DRC9: variants seen among roughly 807,000 people sequenced by gnomAD.
The protein encoded by DRC9 is dynein regulatory complex protein 9.
the DRC9 span, chr3:197,951,439 G>A: frequency 7.9e-6 from 8 of 1,016,554 alleles, no homozygotes; most frequent in South Asian, 1.3e-5. Flanking sequence ...CGAAACCTCC[G>A]CCTCCCGGGT....
the DRC9 span, chr3:197,916,272 T>TTTGCTG: frequency 6.5e-6 from 1 of 154,990 alleles, no homozygotes; most frequent in Non-Finnish European, 1.4e-5. Flanking sequence ...TGCGCCCGGC[T>TTTGCTG]TTGTTGTTGT....
the DRC9 span, chr3:197,944,036 G>A: frequency 6.2e-7 from 1 of 1,613,914 alleles, no homozygotes; most frequent in Non-Finnish European, 8.5e-7. Context: ...GAAGGTTTGA[G>A]TCTTCCAGGC....
the DRC9 span, chr3:197,889,432 A>T: frequency 1.1e-6 from 1 of 887,070 alleles, no homozygotes; most frequent in Non-Finnish European, 1.8e-6. Flanking sequence ...TGAAATTAAC[A>T]GGCAAAGTGA....
At chr3:197,890,157 G>T in the DRC9 span, among the ~76,000 whole-genome samples, 1 of 152,318 alleles carries the variant, frequency 6.6e-6, no homozygotes, top group South Asian at 2.1e-4. Context: ...CACTTTGGGA[G>T]GCTGAGGTGG....
At chr3:197,904,583 G>C in the DRC9 span, among the ~76,000 whole-genome samples, 1 of 152,168 alleles carries the variant, frequency 6.6e-6, no homozygotes, top group Admixed American at 6.6e-5. Context: ...GAAAAGGTGG[G>C]GCCGGGCGTG....
chr3:197,938,411 T>TA, the DRC9 span: 1 of 678,072 alleles, frequency 1.5e-6, no homozygotes, highest in East Asian at 2.5e-5. Flanking sequence ...AGTCTTTAGC[T>TA]AATTCTATTC....
At chr3:197,934,654 C>T in the DRC9 span, among the ~76,000 whole-genome samples, 2 of 151,960 alleles carry the variant, frequency 1.3e-5, no homozygotes, top group Admixed American at 6.6e-5. Context: ...GTCCGCTGTT[C>T]TTCATGATCC....
At chr3:197,948,284 C>G in the DRC9 span, among the ~76,000 whole-genome samples, 1 of 152,204 alleles carries the variant, frequency 6.6e-6, no homozygotes, top group African/African-American at 2.4e-5. Context: ...TGGTCATCAC[C>G]TGCAGTTTGA....
At chr3:197,933,483 G>A in the DRC9 span, among the ~76,000 whole-genome samples, 1 of 151,748 alleles carries the variant, frequency 6.6e-6, no homozygotes, top group Non-Finnish European at 1.5e-5. Context: ...AGTTTGATTA[G>A]GTCTTTAAAA....
chr3:197,909,070 C>T, the DRC9 span, among the ~76,000 whole-genome samples: 11 of 152,214 alleles, frequency 7.2e-5, no homozygotes, highest in African/African-American at 2.4e-4. Flanking sequence ...TTGCCAGTTT[C>T]ATCCGAATCT....
the DRC9 span, among the ~76,000 whole-genome samples, chr3:197,895,793 G>C: frequency 6.6e-6 from 1 of 151,254 alleles, no homozygotes. Flanking sequence ...TTGGCAACAT[G>C]GCAAAACCCC....
the DRC9 span, among the ~76,000 whole-genome samples, chr3:197,944,908 T>C: frequency 6.6e-6 from 1 of 152,212 alleles, no homozygotes; most frequent in Non-Finnish European, 1.5e-5. Context: ...ATGTAGTTCA[T>C]GCAATTTGGC....
chr3:197,892,694 ATTCT>A, the DRC9 span: 3 of 1,614,094 alleles, frequency 1.9e-6, no homozygotes, highest in Non-Finnish European at 2.5e-6. Context: ...CATTTAGTTC[ATTCT>A]GTTTCATTTC....
the DRC9 span, among the ~76,000 whole-genome samples, chr3:197,947,859 T>C: frequency 6.6e-6 from 1 of 152,042 alleles, no homozygotes; most frequent in African/African-American, 2.4e-5. Context: ...CTCTCTGGGC[T>C]TAGGTAACTA....
At chr3:197,899,869 G>A in the DRC9 span, among the ~76,000 whole-genome samples, 2 of 152,188 alleles carry the variant, frequency 1.3e-5, no homozygotes, top group East Asian at 1.9e-4. Context: ...AAGAGGCACT[G>A]AAGAGGGTAG....
the DRC9 span, among the ~76,000 whole-genome samples, chr3:197,894,286 T>A: frequency 6.6e-6 from 1 of 152,190 alleles, no homozygotes; most frequent in African/African-American, 2.4e-5. Context: ...CCTTGTGAAG[T>A]CCACCCACAA....
At chr3:197,904,175 A>G in the DRC9 span, among the ~76,000 whole-genome samples, 1 of 151,050 alleles carries the variant, frequency 6.6e-6, no homozygotes, top group East Asian at 1.9e-4. Flanking sequence ...ACAAACACCA[A>G]ACAGACATAT....
chr3:197,911,720 A>C, the DRC9 span, among the ~76,000 whole-genome samples: 169 of 151,902 alleles, frequency 1.1e-3, no homozygotes, highest in Non-Finnish European at 2.0e-3. Flanking sequence ...GCTCACTGTA[A>C]CCTCTGCCTC....
At chr3:197,906,595 C>G in the DRC9 span, 1 of 152,166 alleles carries the variant, frequency 6.6e-6, no homozygotes, top group Admixed American at 6.5e-5. Flanking sequence ...GCATGAACAT[C>G]AATTCAGAGC....
Sources: gnomAD v4.1 joint callset for allele counts (sites outside exome capture counted in the v4.1 genomes callset) on GRCh38, gnomAD v4.1.1 for gene constraint, MANE v1.5 for transcripts, NCBI Gene and HGNC (gene_info 2026-07-23, HGNC 2026-07-21) for gene names.